The following ITGAE variants were observed in gnomAD, a reference collection of about 807,000 sequenced individuals.
The protein encoded by ITGAE is integrin alpha-E.
Under a neutral mutation model 136.5 loss-of-function variants are expected in ITGAE, and 99 were observed. The ratio of observed to expected loss-of-function variants is 0.73; its 90% CI spans 0.62 to 0.86. The LOEUF (loss-of-function observed/expected upper bound fraction) is 0.86, where lower values mean the gene tolerates loss of function less well. Among genes scored for constraint, ITGAE ranks in the 40% least tolerant of loss-of-function variants. ITGAE has a pLI of 0.00. For synonymous variants in ITGAE, 613 were observed against 591.8 expected (o/e 1.04, Z -0.52); for missense variants, 1,447 against 1,515.3 (o/e 0.95, Z 0.75).
intron 2 of ITGAE, among the ~76,000 whole-genome samples, chr17:3,773,711 C>T (rs945510570): frequency 2.1e-4 from 32 of 152,206 alleles, no homozygotes; most frequent in African/African-American, 7.7e-4. Flanking sequence ...TCACTGGCCG[C>T]TGGTGATCAA....
In ITGAE at chr17:3,777,794, G is replaced by C. The variant is rs2052579356; in HGVS notation, c.35-134C>G. Reference sequence around the variant, plus strand: ...CCCAGGGATCTTTATGTGTGTGTGAGAGAGAAAGACTAGACGCAGGTGTAT... The same window carrying C: ...CCCAGGGATCTTTATGTGTGTGTGACAGAGAAAGACTAGACGCAGGTGTAT... On this transcript the variant is annotated intron_variant, in intron 1 of 30. Coordinates refer to ENST00000263087, the MANE Select transcript of ITGAE (RefSeq NM_002208.5). 13 of 1,069,468 alleles carry C rather than the reference G, an allele frequency of 1.2e-5. No individual in the cohort carries two copies. In the South Asian group the frequency reaches 2.0e-4, roughly 17 times the overall value. 66.2% of individuals were successfully genotyped at this position (1,069,468 alleles called of 1,614,324 possible). A position where few individuals can be genotyped will look rare whatever the true frequency, so the allele number is the denominator to read the frequency against.
intron 1 of ITGAE, among the ~76,000 whole-genome samples, chr17:3,785,696 TG>T (rs1258466255): frequency 1.3e-5 from 2 of 151,358 alleles, no homozygotes; most frequent in Admixed American, 1.3e-4. Context: ...CACGTATCAA[TG>T]AAACAGCAAA....
chr17:3,715,304 C>A lies in ITGAE; in HGVS notation c.3445-362G>T, dbSNP rs534816323. Among the ~76,000 whole-genome samples, 9 of 152,310 alleles carry A rather than the reference C, an allele frequency of 5.9e-5. No homozygotes were observed. In the South Asian group the frequency reaches 1.9e-3, roughly 32 times the overall value. On this transcript the variant is annotated intron_variant, in intron 30 of 30. Coordinates refer to ENST00000263087, the MANE Select transcript of ITGAE (RefSeq NM_002208.5). ...GAAGACAGAAGGAGATCAAGTACAGCTTCCTACATCAAGCTCATCATCTAG... is the reference window on the plus strand; with the variant it reads ...GAAGACAGAAGGAGATCAAGTACAGATTCCTACATCAAGCTCATCATCTAG...
rs368616963 is a variant in ITGAE at position 3,727,903 on chromosome 17, A to G, written c.3084+16T>C. On this transcript the variant is annotated intron_variant, in intron 26 of 30. Coordinates refer to ENST00000263087, the MANE Select transcript of ITGAE (RefSeq NM_002208.5). Reference sequence around the variant, plus strand: ...GTGGAAAGAGGTGTGACTGATAAAGAACTGCCTTTAAATACCTGAGTCCTC... The same window carrying G: ...GTGGAAAGAGGTGTGACTGATAAAGGACTGCCTTTAAATACCTGAGTCCTC... 1 of 1,501,346 alleles carries G rather than the reference A, an allele frequency of 6.7e-7. No individual in the cohort carries two copies. Among genetic ancestry groups the G allele is most frequent in the South Asian group, 1.1e-5 (1 of 88,968 alleles). 93.0% of individuals were successfully genotyped at this position (1,501,346 alleles called of 1,614,324 possible). A position where few individuals can be genotyped will look rare whatever the true frequency, so the allele number is the denominator to read the frequency against.
At chr17:3,775,541 C>A (rs1018894583) in intron 2 of ITGAE, among the ~76,000 whole-genome samples, 2 of 152,260 alleles carry the variant, frequency 1.3e-5, no homozygotes, top group Admixed American at 6.5e-5. Context: ...CTCACTGCAG[C>A]CTCCACCTCC....
intron 20 of ITGAE, among the ~76,000 whole-genome samples, chr17:3,738,514 T>A (rs1423636740): frequency 6.6e-6 from 1 of 152,202 alleles, no homozygotes; most frequent in African/African-American, 2.4e-5. Context: ...CACACTCATG[T>A]GCTTGGCAAC....
intron 1 of ITGAE, among the ~76,000 whole-genome samples, chr17:3,795,247 C>T (rs1017299813): frequency 4.6e-5 from 7 of 152,162 alleles, no homozygotes; most frequent in African/African-American, 1.7e-4. Context: ...GTTTGTCTGC[C>T]CTGAACTGTG....
chr17:3,758,306 T>C (rs1433025134), intron 8 of ITGAE, among the ~76,000 whole-genome samples: 1 of 150,342 alleles, frequency 6.7e-6, no homozygotes. Context: ...AGTGCAGTGG[T>C]GTGATCATGG....
At chr17:3,760,031 A>G in intron 7 of ITGAE, 141 bp downstream of exon 7, 1 of 636,802 alleles carries the variant, frequency 1.6e-6, no homozygotes, top group Non-Finnish European at 2.8e-6. Context: ...ACTCCAGGCA[A>G]GATGGACAGA....
At chr17:3,723,644 A>C in intron 27 of ITGAE, 44 bp downstream of exon 27, 1 of 1,524,006 alleles carries the variant, frequency 6.6e-7, no homozygotes, top group Non-Finnish European at 8.8e-7. Context: ...TACCCGCTTC[A>C]GGCCCTCCGC....
chr17:3,726,414 G>A, intron 26 of ITGAE: 1 of 930,194 alleles, frequency 1.1e-6, no homozygotes, highest in Non-Finnish European at 1.7e-6. Flanking sequence ...ATCCCCACAG[G>A]AGGGTGGAAC....
At chr17:3,796,069 GTT>G (rs1421624912) in intron 1 of ITGAE, among the ~76,000 whole-genome samples, 1 of 134,508 alleles carries the variant, frequency 7.4e-6, no homozygotes, top group African/African-American at 2.7e-5. Flanking sequence ...GTGCATCCGT[GTT>G]TGTGCATCCC....
chr17:3,795,836 CATGTGTGCATCTGT>C (rs2053055615), intron 1 of ITGAE, among the ~76,000 whole-genome samples: 3 of 134,028 alleles, frequency 2.2e-5, no homozygotes, highest in Non-Finnish European at 3.2e-5. Flanking sequence ...CCTGTGTGTG[CATGTGTGCATCTGT>C]GTGTGTGCAT....
rs778730546 is a variant in ITGAE, at chr17:3,731,136, G to A, written c.2802C>T (p.Asn934=). ...VWQLEENAFP[N]RTADITVTVT... ...CAGTCACAGTGATGTCTGCTGTCCT[G>A]TTTGGAAAGGCATTCTCCTCTAGCT... The change falls in exon 23 of 31, where the codon AAC becomes AAT. Residue 934 remains asparagine (N), a synonymous_variant. Coordinates refer to ENST00000263087, the MANE Select transcript of ITGAE (RefSeq NM_002208.5). 6.2e-7 allele frequency: 1 copy of A among 1,613,672 alleles called. No homozygotes were observed.
At chr17:3,717,123 A>G in intron 29 of ITGAE, 2 of 261,490 alleles carry the variant, frequency 7.6e-6, no homozygotes. Flanking sequence ...TCAACACAGG[A>G]CTGTGAGGCT....
intron 12 of ITGAE, chr17:3,754,730 T>G: frequency 3.6e-6 from 1 of 275,690 alleles, no homozygotes; most frequent in Non-Finnish European, 7.1e-6. Context: ...AAACCTCAAG[T>G]GCAGCCTAAT....
At chr17:3,726,171 C>T (rs1305234206) in intron 26 of ITGAE, 1 of 1,614,072 alleles carries the variant, frequency 6.2e-7, no homozygotes, top group Non-Finnish European at 8.5e-7. Flanking sequence ...GCTCTGGTTA[C>T]ATTACCTGAC....
At chr17:3,795,497 G>T (rs1418600898) in intron 1 of ITGAE, among the ~76,000 whole-genome samples, 2 of 152,254 alleles carry the variant, frequency 1.3e-5, no homozygotes, top group Non-Finnish European at 2.9e-5. Flanking sequence ...TCAGAGAGGG[G>T]TGTGGTTTGT....
intron 1 of ITGAE, among the ~76,000 whole-genome samples, chr17:3,797,285 C>A (rs1364281805): frequency 2.7e-5 from 4 of 149,934 alleles, no homozygotes; most frequent in Non-Finnish European, 5.9e-5. Context: ...CCTGCCTCAG[C>A]CTCCCGAGTA....
Sources: gnomAD v4.1 joint callset for allele counts (sites outside exome capture counted in the v4.1 genomes callset) on GRCh38, gnomAD v4.1.1 for gene constraint, MANE v1.5 for transcripts, NCBI Gene and HGNC (gene_info 2026-07-23, HGNC 2026-07-21) for gene names.